ANGPTL2: variants seen among roughly 807,000 people sequenced by gnomAD.
ANGPTL2 encodes angiopoietin like 2, also known as angiopoietin-related protein 2.
A neutral mutation model predicts 52.8 loss-of-function variants in ANGPTL2; 25 were observed. The ratio of observed to expected loss-of-function variants is 0.47; its 90% CI spans 0.35 to 0.66. ANGPTL2 has a LOEUF of 0.66. ANGPTL2 is among the 30% of genes least tolerant of loss of function. ANGPTL2 has a pLI of 0.01. For missense variants in ANGPTL2, 546 were observed against 656.9 expected (o/e 0.83, Z 1.84); for synonymous variants, 276 against 277.4 (o/e 1.00, Z 0.05).
At chr9:127,120,720 C>T (rs752294092) in intron 1 of ANGPTL2, among the ~76,000 whole-genome samples, 16 of 151,800 alleles carry the variant, frequency 1.1e-4, no homozygotes, top group African/African-American at 1.5e-4. Flanking sequence ...CCCAGCTACT[C>T]GGGAGGCTGA....
In ANGPTL2 at chr9:127,093,797, C is replaced by A; in HGVS notation, c.947G>T (p.Trp316Leu). Residue 316 changes from tryptophan (W) to leucine (L), a missense_variant, in exon 3 of 5, where the codon TGG becomes TTG. Trp to Leu is a moderately conservative substitution (Grantham distance 61). Around this residue, in one of 2 missense-constraint regions of ANGPTL2, gnomAD observed 261 missense variants for 361.0 expected, o/e 0.72. Coordinates refer to ENST00000373425, the MANE Select transcript of ANGPTL2 (RefSeq NM_012098.3). The part of the protein sequence containing the change: ...WCDQRHDPGG[W>L]TVIQRRLDGS... The stretch of plus-strand genomic sequence containing the variant: ...ATCCAGGCGTCTCTGGATGACGGTC[C>A]AGCCCCCGGGGTCGTGTCTCTGGTC... 3 of 1,614,092 alleles carry A rather than the reference C, an allele frequency of 1.9e-6. No homozygotes were observed. The highest frequency in any genetic ancestry group is 2.5e-6 in the Non-Finnish European group (3 of 1,180,028).
rs1387161191 is a variant in ANGPTL2, at chr9:127,093,762, T to A, written c.982A>T (p.Asn328Tyr). 1 of 1,614,030 alleles carries A rather than the reference T, an allele frequency of 6.2e-7. No individual in the cohort carries two copies. The highest frequency in any genetic ancestry group is 8.5e-7 in the Non-Finnish European group (1 of 1,179,990). The change falls in exon 3 of 5, where the codon AAC (asparagine) becomes TAC (tyrosine). Residue 328 changes from asparagine to tyrosine, a missense_variant. Coordinates refer to ENST00000373425, the MANE Select transcript of ANGPTL2 (RefSeq NM_012098.3). ...TACGTCTCCCAGTTCCTGAAGAAGT[T>A]AACAGAGCCATCCAGGCGTCTCTGG... Reference protein sequence around the residue: ...VIQRRLDGSVNFFRNWETYKQ... With the variant: ...VIQRRLDGSVYFFRNWETYKQ...
intron 1 of ANGPTL2, among the ~76,000 whole-genome samples, chr9:127,121,691 C>T (rs898923978): frequency 1.3e-5 from 2 of 152,244 alleles, no homozygotes; most frequent in Non-Finnish European, 2.9e-5. Flanking sequence ...TGGCCACATC[C>T]ACTCAGTTGG....
At chr9:127,093,509 A>C (rs775949932) in intron 3 of ANGPTL2, among the ~76,000 whole-genome samples, 4 of 152,184 alleles carry the variant, frequency 2.6e-5, no homozygotes, top group African/African-American at 4.8e-5. Context: ...AGCAGTTTCT[A>C]GCAGCAGGCA....
chr9:127,112,266 C>G (rs1439076496), intron 1 of ANGPTL2, among the ~76,000 whole-genome samples: 2 of 152,200 alleles, frequency 1.3e-5, no homozygotes, highest in Non-Finnish European at 2.9e-5. Flanking sequence ...AAGTGTTTGC[C>G]TCGTTTCCAA....
At chr9:127,102,974 A>G (rs1010164757) in intron 2 of ANGPTL2, among the ~76,000 whole-genome samples, 7 of 152,202 alleles carry the variant, frequency 4.6e-5, no homozygotes, top group Non-Finnish European at 1.0e-4. Context: ...AGGCTGACTC[A>G]GGATGGGCAG....
At chr9:127,116,036 A>T (rs146004742) in intron 1 of ANGPTL2, among the ~76,000 whole-genome samples, 2 of 152,312 alleles carry the variant, frequency 1.3e-5, no homozygotes, top group Non-Finnish European at 2.9e-5. Context: ...CAGCTCTCAT[A>T]AGACCATTGA....
rs1294486471 is a variant in ANGPTL2, at chr9:127,108,606, G to T, written c.126C>A (p.Asn42Lys). 2 of 1,613,618 alleles carry T rather than the reference G, an allele frequency of 1.2e-6. No homozygotes were observed. Among genetic ancestry groups the T allele is most frequent in the African/African-American group, 1.3e-5 (1 of 74,848 alleles). Residue 42 changes from asparagine to lysine, a missense_variant, in exon 2 of 5, where the codon AAC becomes AAA. Physicochemically the swap from Asn to Lys is moderately conservative, Grantham distance 94. Coordinates refer to ENST00000373425, the MANE Select transcript of ANGPTL2 (RefSeq NM_012098.3). ...GGGACTCGCCCGCCCGCTTGTACCT[G>T]TTTAGGTAAATGAACTCTCTTGGCG... ...EGSPREFIYL[N>K]RYKRAGESQD...
At chr9:127,092,632 G>C (rs772641841) in intron 3 of ANGPTL2, among the ~76,000 whole-genome samples, 1 of 152,158 alleles carries the variant, frequency 6.6e-6, no homozygotes, top group Non-Finnish European at 1.5e-5. Context: ...GAAGAACTAA[G>C]TGCTATCATT....
intron 1 of ANGPTL2, among the ~76,000 whole-genome samples, chr9:127,116,716 C>G (rs758558737): frequency 5.9e-5 from 9 of 152,214 alleles, no homozygotes; most frequent in Non-Finnish European, 1.2e-4. Context: ...CCAGGGCCAC[C>G]TTGGCTGTTT....
In ANGPTL2 at chr9:127,091,725, T is replaced by C. The variant is rs1360616420; in HGVS notation, c.1227A>G (p.Thr409=). The change falls in exon 4 of 5, where the codon ACA becomes ACG. Residue 409 remains threonine, a synonymous_variant. Coordinates refer to ENST00000373425, the MANE Select transcript of ANGPTL2 (RefSeq NM_012098.3). This position sits in a 1 kb window ranked among gnomAD's most constrained non-coding sequence, Gnocchi z 4.3. ...RYHGNAGDSF[T]WHNGKQFTTL... is the part of the protein sequence containing the mutation. ...TGGTGAACTGCTTGCCGTTGTGCCA[T>C]GTAAAGGAGTCACCCGCATTGCCAT... 3.1e-6 allele frequency: 5 copies of C among 1,614,064 alleles called. No individual in the cohort carries two copies. Among genetic ancestry groups the C allele is most frequent in the Non-Finnish European group, 4.2e-6 (5 of 1,180,014 alleles).
In ANGPTL2 at chr9:127,088,576, A is replaced by G; in HGVS notation, c.*363T>C. ...TCACATGTGATGTATATCTAAATGCATATATATGTGGTATACACATACGTG... is the reference window on the plus strand; with the variant it reads ...TCACATGTGATGTATATCTAAATGCGTATATATGTGGTATACACATACGTG... On this transcript the variant is annotated 3_prime_UTR_variant, in exon 5 of 5. Transcript: ENST00000373425. 3.6e-6 allele frequency: 1 copy of G among 276,824 alleles called. No individual in the cohort carries two copies. The highest frequency in any genetic ancestry group is 2.2e-5 in the African/African-American group (1 of 46,176). The allele number at this position is 276,824 out of a possible 1,614,324, so 17.1% of individuals were successfully genotyped here.
chr9:127,095,451 A>G (rs898338165), intron 2 of ANGPTL2, among the ~76,000 whole-genome samples: 15 of 152,238 alleles, frequency 9.9e-5, no homozygotes, highest in African/African-American at 2.7e-4. Context: ...GTTAAGGACA[A>G]AAGTGCTAAG....
At chr9:127,114,264 C>T (rs527395495) in intron 1 of ANGPTL2, among the ~76,000 whole-genome samples, 1 of 152,284 alleles carries the variant, frequency 6.6e-6, no homozygotes, top group African/African-American at 2.4e-5. Flanking sequence ...CACAAAGATA[C>T]TTTTAAGGCT....
At chr9:127,101,926 A>T (rs886347075) in intron 2 of ANGPTL2, among the ~76,000 whole-genome samples, 1 of 152,168 alleles carries the variant, frequency 6.6e-6, no homozygotes, top group African/African-American at 2.4e-5. Context: ...TAAACAAAGG[A>T]TCACATAAAT....
intron 1 of ANGPTL2, among the ~76,000 whole-genome samples, chr9:127,113,151 C>T (rs1268185265): frequency 1.3e-5 from 2 of 152,196 alleles, no homozygotes; most frequent in African/African-American, 4.8e-5. Flanking sequence ...GCCTGACATA[C>T]ATTGTCCCAG....
At chr9:127,110,976 G>T (rs1195617580) in intron 1 of ANGPTL2, among the ~76,000 whole-genome samples, 1 of 151,908 alleles carries the variant, frequency 6.6e-6, no homozygotes, top group Non-Finnish European at 1.5e-5. Context: ...GTCAAACGGG[G>T]TCACTCTTCT....
intron 2 of ANGPTL2, among the ~76,000 whole-genome samples, chr9:127,104,261 T>C (rs529212369): frequency 1.3e-5 from 2 of 152,334 alleles, no homozygotes; most frequent in East Asian, 3.9e-4. Flanking sequence ...GCAGCTGCTG[T>C]TGGCGCTGTC....
At chr9:127,121,436 A>G (rs890107890) in intron 1 of ANGPTL2, among the ~76,000 whole-genome samples, 4 of 152,220 alleles carry the variant, frequency 2.6e-5, no homozygotes, top group East Asian at 3.8e-4. Flanking sequence ...AATTTTCCCC[A>G]GAGAGTGGGG....
Sources: allele counts gnomAD v4.1 joint callset (sites outside exome capture counted in the v4.1 genomes callset), GRCh38; gene constraint gnomAD v4.1.1; regional missense constraint gnomAD v4.1.1; non-coding constraint Gnocchi (gnomAD v3.1); transcripts MANE v1.5; gene names NCBI Gene and HGNC (gene_info 2026-07-23, HGNC 2026-07-21).